CACNA2D3: variants seen among roughly 807,000 people sequenced by gnomAD.
CACNA2D3 encodes voltage-dependent calcium channel subunit alpha-2/delta-3.
In CACNA2D3, 60 loss-of-function variants were observed where a neutral mutation model predicts 160.6. The ratio of observed to expected loss-of-function variants is 0.37; its 90% CI spans 0.30 to 0.46. The LOEUF (loss-of-function observed/expected upper bound fraction) is 0.46, where lower values mean the gene tolerates loss of function less well. Among genes scored for constraint, CACNA2D3 ranks in the 20% least tolerant of loss-of-function variants. The pLI, the probability that CACNA2D3 is intolerant of heterozygous loss-of-function variation, is 1.00. For missense variants in CACNA2D3, 1,205 were observed against 1,365.0 expected (o/e 0.88, Z 1.85); for synonymous variants, 558 against 492.9 (o/e 1.13, Z -1.75).
chr3:54,403,380 C>T (rs1000725028), intron 4 of CACNA2D3, among the ~76,000 whole-genome samples: 1 of 151,366 alleles, frequency 6.6e-6, no homozygotes, highest in African/African-American at 2.4e-5. Context: ...CACACACACA[C>T]ACACACACAC....
chr3:54,546,529 C>T (rs1224013382), intron 5 of CACNA2D3, among the ~76,000 whole-genome samples: 2 of 151,996 alleles, frequency 1.3e-5, no homozygotes, highest in Non-Finnish European at 2.9e-5. Flanking sequence ...GCAGAATGCC[C>T]GCAGCTGGTA....
At chr3:54,286,747 G>T (rs186992678) in intron 2 of CACNA2D3, among the ~76,000 whole-genome samples, 1 of 152,352 alleles carries the variant, frequency 6.6e-6, no homozygotes, top group African/African-American at 2.4e-5. Flanking sequence ...AACTCTACAA[G>T]CCAGAAGAGA....
intron 9 of CACNA2D3, among the ~76,000 whole-genome samples, chr3:54,583,840 G>A (rs1007421813): frequency 6.6e-6 from 1 of 151,612 alleles, no homozygotes; most frequent in Non-Finnish European, 1.5e-5. Context: ...TTTCCTCTTT[G>A]ACTCCCATAT....
At chr3:54,265,612 GTGTA>G (rs1702490257) in intron 2 of CACNA2D3, among the ~76,000 whole-genome samples, 2 of 147,824 alleles carry the variant, frequency 1.4e-5, no homozygotes, top group African/African-American at 2.5e-5. Flanking sequence ...TATATATAGT[GTGTA>G]TATATATATA....
intron 5 of CACNA2D3, among the ~76,000 whole-genome samples, chr3:54,538,320 C>T (rs1044091714): frequency 6.6e-6 from 1 of 152,198 alleles, no homozygotes; most frequent in Non-Finnish European, 1.5e-5. Flanking sequence ...GCTATGAATG[C>T]CTTCCCAGGA....
At chr3:54,296,234 C>T (rs1438729303) in intron 2 of CACNA2D3, among the ~76,000 whole-genome samples, 2 of 152,278 alleles carry the variant, frequency 1.3e-5, no homozygotes, top group African/African-American at 4.8e-5. Context: ...TCAGTAGATT[C>T]CAGTGAAGTC....
chr3:54,844,883 G>C (rs1286612870), intron 16 of CACNA2D3, among the ~76,000 whole-genome samples: 1 of 152,078 alleles, frequency 6.6e-6, no homozygotes, highest in Non-Finnish European at 1.5e-5. Context: ...GTTTAATTTT[G>C]AGTTTGAATT....
intron 5 of CACNA2D3, among the ~76,000 whole-genome samples, chr3:54,535,060 C>A (rs950957002): frequency 6.6e-6 from 1 of 152,176 alleles, no homozygotes; most frequent in African/African-American, 2.4e-5. Flanking sequence ...TTCATCATTC[C>A]AGTAGAATGC....
chr3:55,064,734 T>C (rs1704598121), intron 35 of CACNA2D3, among the ~76,000 whole-genome samples: 1 of 152,050 alleles, frequency 6.6e-6, no homozygotes, highest in African/African-American at 2.4e-5. Context: ...AGGATGGAGA[T>C]GGGAGGATGG....
intron 8 of CACNA2D3, among the ~76,000 whole-genome samples, chr3:54,572,720 C>T (rs1301542784): frequency 6.6e-6 from 1 of 152,206 alleles, no homozygotes; most frequent in Non-Finnish European, 1.5e-5. Flanking sequence ...TAGTTGCCAG[C>T]CTAGTGGTGA....
chr3:54,661,246 C>A (rs991389687), intron 11 of CACNA2D3, among the ~76,000 whole-genome samples: 3 of 152,140 alleles, frequency 2.0e-5, no homozygotes, highest in Non-Finnish European at 4.4e-5. Flanking sequence ...GAATTTTTAG[C>A]CCTTTCAACC....
At chr3:54,181,970 T>A (rs1456598058) in intron 2 of CACNA2D3, among the ~76,000 whole-genome samples, 1 of 152,144 alleles carries the variant, frequency 6.6e-6, no homozygotes, top group Non-Finnish European at 1.5e-5. Flanking sequence ...ATACCTCAAT[T>A]TGGAAGCTGG....
chr3:54,672,929 T>A (rs1700185414), intron 11 of CACNA2D3, among the ~76,000 whole-genome samples: 1 of 152,232 alleles, frequency 6.6e-6, no homozygotes, highest in African/African-American at 2.4e-5. Context: ...GATGACATTG[T>A]TACTTTAGAA....
rs914769553 is a variant in CACNA2D3 at position 54,702,455 on chromosome 3, C to CA, written c.1168-50137dup. On this transcript the variant is annotated intron_variant, in intron 11 of 37. Transcript: ENST00000474759. ...ACAGAGGACATGAACAGACACTTCT[C>CA]AAAAAAAGACATGTGCATGGCCAAC... 4.6e-5 allele frequency among the ~76,000 whole-genome samples: 7 copies of CA among 152,068 alleles called. No individual in the cohort carries two copies. The East Asian group carries it at 1.4e-3, about 29-fold the overall frequency.
intron 35 of CACNA2D3, among the ~76,000 whole-genome samples, chr3:55,034,279 ACTTTT>A (rs1703765932): frequency 6.6e-6 from 1 of 151,796 alleles, no homozygotes; most frequent in African/African-American, 2.4e-5. Flanking sequence ...TGTTGTCTTA[ACTTTT>A]CTTTTTATGA....
chr3:54,194,702 C>A (rs551680702), intron 2 of CACNA2D3, among the ~76,000 whole-genome samples: 1 of 152,194 alleles, frequency 6.6e-6, no homozygotes, highest in East Asian at 1.9e-4. Flanking sequence ...CGTGAAGATG[C>A]GTTCCTCATA....
chr3:54,470,312 T>C (rs1034684440), intron 4 of CACNA2D3, among the ~76,000 whole-genome samples: 1 of 152,160 alleles, frequency 6.6e-6, no homozygotes, highest in Non-Finnish European at 1.5e-5. Context: ...CAACCCAGAA[T>C]TTCATATCCA....
At chr3:54,460,095 A>G (rs1238574023) in intron 4 of CACNA2D3, among the ~76,000 whole-genome samples, 2 of 151,286 alleles carry the variant, frequency 1.3e-5, no homozygotes, top group Admixed American at 6.6e-5. Flanking sequence ...GATATGCGGC[A>G]TTATTTCTGA....
intron 2 of CACNA2D3, among the ~76,000 whole-genome samples, chr3:54,131,938 C>G (rs1326407056): frequency 1.3e-5 from 2 of 152,206 alleles, no homozygotes; most frequent in African/African-American, 4.8e-5. Context: ...TCCATAACGC[C>G]TTTTCCATTG....
Sources: allele counts gnomAD v4.1 joint callset (sites outside exome capture counted in the v4.1 genomes callset), GRCh38; gene constraint gnomAD v4.1.1; transcripts MANE v1.5; gene names NCBI Gene and HGNC (gene_info 2026-07-23, HGNC 2026-07-21).